Variants in DUS4L observed in about 807,000 individuals in gnomAD.
DUS4L encodes tRNA-dihydrouridine(20a/20b) synthase [NAD(P)+]-like.
In DUS4L, 31 loss-of-function variants were observed where a neutral mutation model predicts 33.8. That is an observed-to-expected ratio of 0.92 (90% CI 0.69 to 1.24). The LOEUF is 1.24. Among genes scored for constraint, DUS4L ranks in the 50% most tolerant of loss-of-function variants. The pLI, the probability that DUS4L is intolerant of heterozygous loss-of-function variation, is 0.00. For synonymous variants in DUS4L, 103 were observed against 120.3 expected, an observed-to-expected ratio of 0.86 and a Z score of 0.94; for missense variants, 368 against 388.6, an observed-to-expected ratio of 0.95 and a Z score of 0.45.
chr7:107,576,824 T>C (rs990752215), intron 7 of DUS4L: 4 of 429,174 alleles, frequency 9.3e-6, no homozygotes, highest in East Asian at 4.2e-5. Flanking sequence ...CCATCATATC[T>C]AGTGACCAGT....
At chr7:107,564,971 CA>C (rs1804478415) in intron 2 of DUS4L, among the ~76,000 whole-genome samples, 1 of 152,194 alleles carries the variant, frequency 6.6e-6, no homozygotes, top group South Asian at 2.1e-4. Context: ...TTTTATAACT[CA>C]ATGCATTTCA....
chr7:107,566,011 C>A (rs957924858), intron 2 of DUS4L, among the ~76,000 whole-genome samples: 1 of 152,196 alleles, frequency 6.6e-6, no homozygotes, highest in African/African-American at 2.4e-5. Context: ...TCATAATGGT[C>A]TCTCTCGTTT....
intron 4 of DUS4L, 52 bp from the exon 5 acceptor site, chr7:107,573,652 T>C: frequency 6.4e-7 from 1 of 1,569,902 alleles, no homozygotes; most frequent in Admixed American, 1.8e-5. Context: ...GGTGTGTGTG[T>C]GCATGGGGTT....
chr7:107,569,546 T>C (rs1243344775), intron 3 of DUS4L, among the ~76,000 whole-genome samples: 9 of 152,238 alleles, frequency 5.9e-5, no homozygotes, highest in African/African-American at 2.2e-4. Flanking sequence ...TCTTACTAGG[T>C]TGAGTCTCCC....
At position 107,564,025 on chromosome 7, in the gene DUS4L, C is replaced by T. The variant is rs565470286; in HGVS notation, c.-295C>T. ...CCACCTGGCGAACTGACTCTCAGCCCGCGCCTGGGCTAAGCCTGGCTAGGA... is the reference window on the plus strand; with the variant it reads ...CCACCTGGCGAACTGACTCTCAGCCTGCGCCTGGGCTAAGCCTGGCTAGGA... On this transcript the variant is annotated 5_prime_UTR_variant, in exon 1 of 8. Coordinates refer to ENST00000265720, the MANE Select transcript of DUS4L (RefSeq NM_181581.3). 5.2e-6 allele frequency: 8 copies of T among 1,541,906 alleles called. No individual in the cohort carries two copies. The highest frequency in any genetic ancestry group is 2.0e-5 in the Admixed American group (1 of 51,176).
At chr7:107,565,949 C>T (rs887232800) in intron 2 of DUS4L, among the ~76,000 whole-genome samples, 9 of 152,270 alleles carry the variant, frequency 5.9e-5, no homozygotes, top group South Asian at 2.1e-4. Flanking sequence ...GTTGCCATTG[C>T]GCTTTATTTT....
intron 5 of DUS4L, 110 bp from the exon 6 acceptor site, chr7:107,575,078 T>C: frequency 1.4e-6 from 2 of 1,423,584 alleles, no homozygotes; most frequent in Admixed American, 3.9e-5. Flanking sequence ...TATCTGCTTC[T>C]CTTCCAGATC....
At chr7:107,567,282 C>G in intron 3 of DUS4L, 96 bp downstream of exon 3, 1 of 935,608 alleles carries the variant, frequency 1.1e-6, no homozygotes, top group Non-Finnish European at 1.6e-6. Flanking sequence ...CATATGGGAA[C>G]TTCAAACTCT....
At position 107,578,175 on chromosome 7, in the gene DUS4L, A is replaced by G. The variant is rs1805936854; in HGVS notation, c.*615A>G. On this transcript the variant is annotated 3_prime_UTR_variant, in exon 8 of 8. Coordinates refer to ENST00000265720, the MANE Select transcript of DUS4L (RefSeq NM_181581.3). ...AAGATAAAATTAATTGCAATCTACC[A>G]TATCTTAAGTATAGGAAATTTGGTG... The G allele has an allele frequency of 6.6e-6, 1 of 152,218 alleles. No homozygotes were observed. The highest frequency in any genetic ancestry group is 1.5e-5 in the Non-Finnish European group (1 of 68,040). 9.4% of individuals were successfully genotyped at this position (152,218 alleles called of 1,614,324 possible). A position where few individuals can be genotyped will look rare whatever the true frequency, so the allele number is the denominator to read the frequency against.
chr7:107,577,288 A>C (rs1459652767), intron 7 of DUS4L, 25 bp from the exon 8 acceptor site: 1 of 1,612,258 alleles, frequency 6.2e-7, no homozygotes, highest in Non-Finnish European at 8.5e-7. Context: ...ATGTATGGAC[A>C]AATATGGTGT....
intron 4 of DUS4L, among the ~76,000 whole-genome samples, chr7:107,572,178 T>A (rs891211893): frequency 6.6e-6 from 1 of 152,178 alleles, no homozygotes; most frequent in Non-Finnish European, 1.5e-5. Flanking sequence ...GCTTTAGAAA[T>A]AGCTTGATTT....
Position 107,567,855 on chromosome 7 carries a change from C to T in DUS4L, c.116+669C>T, listed in dbSNP as rs1584986445. On this transcript the variant is annotated intron_variant, in intron 3 of 7. Coordinates refer to ENST00000265720, the MANE Select transcript of DUS4L (RefSeq NM_181581.3). ...TTCTACTTTCTCCCTCTATGAACTTCACTACTCTAGGTACCTCATATAAGT... is the reference window on the plus strand; with the variant it reads ...TTCTACTTTCTCCCTCTATGAACTTTACTACTCTAGGTACCTCATATAAGT... 7 of 406,172 alleles carry T rather than the reference C, an allele frequency of 1.7e-5. No homozygotes were observed. In the East Asian group the frequency reaches 3.9e-4, roughly 22 times the overall value. 25.2% of individuals were successfully genotyped at this position (406,172 alleles called of 1,614,324 possible).
chr7:107,574,900 C>CA (rs1805590068), intron 5 of DUS4L: 1 of 374,730 alleles, frequency 2.7e-6, no homozygotes, highest in Non-Finnish European at 4.8e-6. Context: ...AATCTGAAGT[C>CA]ATTGCAATTA....
At chr7:107,572,045 C>T (rs1182604453) in intron 4 of DUS4L, among the ~76,000 whole-genome samples, 3 of 149,912 alleles carry the variant, frequency 2.0e-5, no homozygotes, top group African/African-American at 7.4e-5. Flanking sequence ...TCATCCTCTA[C>T]TCATGTCCTC....
intron 4 of DUS4L, among the ~76,000 whole-genome samples, chr7:107,572,365 A>G (rs1342084911): frequency 6.6e-6 from 1 of 152,206 alleles, no homozygotes; most frequent in Non-Finnish European, 1.5e-5. Context: ...TGCCATAGGA[A>G]TCTTGAATCA....
At chr7:107,575,333 TTGA>T (rs756422693) in intron 6 of DUS4L, 23 bp downstream of exon 6, 56 of 1,606,702 alleles carry the variant, frequency 3.5e-5, no homozygotes, top group Non-Finnish European at 4.6e-5. Flanking sequence ...TTTCAATCTA[TTGA>T]TAGGATAATC....
At chr7:107,567,446 G>T (rs937498378) in intron 3 of DUS4L, among the ~76,000 whole-genome samples, 1 of 152,094 alleles carries the variant, frequency 6.6e-6, no homozygotes, top group Non-Finnish European at 1.5e-5. Context: ...GTATATAATG[G>T]ATATTAAATA....
intron 4 of DUS4L, among the ~76,000 whole-genome samples, chr7:107,572,990 A>G (rs539340402): frequency 6.6e-4 from 100 of 152,298 alleles, no homozygotes; most frequent in African/African-American, 2.4e-3. Context: ...AGAACAACTA[A>G]TGGAAAAATT....
Position 107,564,096 on chromosome 7 carries a change from T to C in DUS4L, c.-224T>C, listed in dbSNP as rs1804297757. 1 of 1,267,710 alleles carries C rather than the reference T, an allele frequency of 7.9e-7. No homozygotes were observed. Among genetic ancestry groups the C allele is most frequent in the African/African-American group, 1.5e-5 (1 of 67,636 alleles). The allele number at this position is 1,267,710 out of a possible 1,614,324, so 78.5% of individuals were successfully genotyped here. A position where few individuals can be genotyped will look rare whatever the true frequency, so the allele number is the denominator to read the frequency against. Reference sequence around the variant, plus strand: ...GTGGGCGCCCAGGGTCCGAGTGCTCTGCGCCCAGCGCACCGAGGGAGCCAA... The same window carrying C: ...GTGGGCGCCCAGGGTCCGAGTGCTCCGCGCCCAGCGCACCGAGGGAGCCAA... On this transcript the variant is annotated 5_prime_UTR_variant, in exon 1 of 8. Coordinates refer to ENST00000265720, the MANE Select transcript of DUS4L (RefSeq NM_181581.3).
Sources: allele counts gnomAD v4.1 joint callset (sites outside exome capture counted in the v4.1 genomes callset), GRCh38; gene constraint gnomAD v4.1.1; transcripts MANE v1.5; gene names NCBI Gene and HGNC (gene_info 2026-07-23, HGNC 2026-07-21).